Variants in DCDC1 observed in about 807,000 individuals in gnomAD.
The protein encoded by DCDC1 is doublecortin domain containing 1.
In DCDC1, 200 loss-of-function variants were observed where a neutral mutation model predicts 178.3. The ratio of observed to expected loss-of-function variants is 1.12; its 90% CI spans 1.00 to 1.26. DCDC1 has a LOEUF of 1.26. Ranked by LOEUF, DCDC1 falls within the 50% of genes most tolerant of loss-of-function variation. The pLI, the probability that DCDC1 is intolerant of heterozygous loss-of-function variation, is 0.00. For synonymous variants in DCDC1, 690 were observed against 604.8 expected (o/e 1.14, Z -2.07); for missense variants, 1,983 against 1,749.2 (o/e 1.13, Z -2.38).
chr11:31,330,161 C>T (rs536796027), intron 2 of DCDC1, among the ~76,000 whole-genome samples: 18 of 152,298 alleles, frequency 1.2e-4, no homozygotes, highest in African/African-American at 4.1e-4. Flanking sequence ...TGATGATGAG[C>T]ATTTTTTCAT....
At chr11:30,883,491 T>TC (rs1264947718) in intron 36 of DCDC1, 6 of 460,862 alleles carry the variant, frequency 1.3e-5, no homozygotes, top group African/African-American at 1.0e-4. Context: ...CAAATAAAGA[T>TC]CCATGTCTTC....
intron 9 of DCDC1, among the ~76,000 whole-genome samples, chr11:31,236,913 C>T (rs1245367059): frequency 6.6e-6 from 1 of 151,712 alleles, no homozygotes; most frequent in Non-Finnish European, 1.5e-5. Flanking sequence ...AAAGTATATA[C>T]AGAAAATGAA....
intron 20 of DCDC1, among the ~76,000 whole-genome samples, chr11:31,010,168 C>A (rs1364840462): frequency 6.6e-6 from 1 of 152,216 alleles, no homozygotes; most frequent in Admixed American, 6.5e-5. Context: ...TATCTTGTGA[C>A]CCAGTCAAGG....
At chr11:31,357,952 G>A (rs1188311348) in intron 1 of DCDC1, among the ~76,000 whole-genome samples, 1 of 152,118 alleles carries the variant, frequency 6.6e-6, no homozygotes, top group Non-Finnish European at 1.5e-5. Flanking sequence ...TACAACAAAC[G>A]GAAGAACATT....
intron 2 of DCDC1, among the ~76,000 whole-genome samples, chr11:31,329,528 C>T (rs561383184): frequency 5.3e-5 from 8 of 152,082 alleles, no homozygotes; most frequent in South Asian, 2.1e-4. Context: ...GGTATTTCTC[C>T]GAATGCTATC....
At chr11:30,871,878 G>A (rs612171) in intron 38 of DCDC1, among the ~76,000 whole-genome samples, 103,226 of 150,624 alleles carry the variant, frequency 0.69, 35,502 homozygotes, top group Middle Eastern at 0.8. Flanking sequence ...ATATACATAT[G>A]TATACATATA....
chr11:30,984,599 C>G (rs925123187), intron 20 of DCDC1, among the ~76,000 whole-genome samples: 1 of 152,196 alleles, frequency 6.6e-6, no homozygotes, highest in Non-Finnish European at 1.5e-5. Flanking sequence ...ATAACCTGGA[C>G]ATTTCATATC....
intron 11 of DCDC1, among the ~76,000 whole-genome samples, chr11:31,118,916 C>G (rs1960377994): frequency 6.6e-6 from 1 of 152,156 alleles, no homozygotes; most frequent in Admixed American, 6.5e-5. Context: ...TTCAGCACAT[C>G]TTGAAAAGGA....
chr11:30,989,408 T>G (rs1445899667), intron 20 of DCDC1, among the ~76,000 whole-genome samples: 1 of 152,192 alleles, frequency 6.6e-6, no homozygotes, highest in East Asian at 1.9e-4. Context: ...AAACACAGAC[T>G]GCTCTACTGA....
intron 1 of DCDC1, among the ~76,000 whole-genome samples, chr11:31,354,082 T>C (rs1951209435): frequency 6.6e-6 from 1 of 152,068 alleles, no homozygotes; most frequent in Non-Finnish European, 1.5e-5. Flanking sequence ...GGTCAAGAGA[T>C]AGAGACCATC....
At chr11:30,920,160 T>C (rs1232472915) in intron 25 of DCDC1, among the ~76,000 whole-genome samples, 2 of 152,144 alleles carry the variant, frequency 1.3e-5, no homozygotes, top group African/African-American at 2.4e-5. Flanking sequence ...TTGGAATTCA[T>C]GTGGCAGAAA....
At chr11:31,062,314 C>A (rs912177998) in intron 20 of DCDC1, among the ~76,000 whole-genome samples, 4 of 152,050 alleles carry the variant, frequency 2.6e-5, no homozygotes, top group African/African-American at 9.7e-5. Flanking sequence ...CCTCATAGAG[C>A]GGTATTACGA....
At chr11:31,293,278 C>T (rs1247106631) in intron 6 of DCDC1, among the ~76,000 whole-genome samples, 1 of 152,064 alleles carries the variant, frequency 6.6e-6, no homozygotes, top group Non-Finnish European at 1.5e-5. Flanking sequence ...AGGAAACTGA[C>T]TGCAGGGAAT....
At chr11:31,111,734 G>T (rs1022279749) in intron 11 of DCDC1, among the ~76,000 whole-genome samples, 1 of 152,182 alleles carries the variant, frequency 6.6e-6, no homozygotes, top group Non-Finnish European at 1.5e-5. Flanking sequence ...GAGAAATTTA[G>T]CAGTGAAGGT....
intron 15 of DCDC1, among the ~76,000 whole-genome samples, chr11:31,101,891 A>G (rs1371526380): frequency 6.6e-6 from 1 of 152,162 alleles, no homozygotes; most frequent in Admixed American, 6.5e-5. Flanking sequence ...AGCCTGGCCA[A>G]CATGGCAAAA....
Position 30,952,500 on chromosome 11 carries a change from A to C in DCDC1, c.2660T>G (p.Leu887Arg). The C allele has an allele frequency of 6.3e-7, 1 of 1,588,584 alleles. No individual in the cohort carries two copies. Among genetic ancestry groups the C allele is most frequent in the Non-Finnish European group, 8.5e-7 (1 of 1,172,348 alleles). Residue 887 changes from leucine (L) to arginine (R), a missense_variant, in exon 21 of 39, where the codon CTA becomes CGA. Leu to Arg is a moderately radical substitution (Grantham distance 102, BLOSUM62 -2). Transcript: ENST00000684477. ...CCACATGTAGGTAAGCTTGTTCCATAGAGGATTTTCAACTCTAGAATGTTT... is the reference window on the plus strand; with the variant it reads ...CCACATGTAGGTAAGCTTGTTCCATCGAGGATTTTCAACTCTAGAATGTTT... ...QWKHSRVENP[L>R]WNKLTYMWPV...
chr11:31,127,733 A>C (rs1162745739), intron 10 of DCDC1, 94 bp from the exon 11 acceptor site: 1 of 638,210 alleles, frequency 1.6e-6, no homozygotes, highest in Non-Finnish European at 2.8e-6. Context: ...TGGGGGGAAA[A>C]TGACTTCAAT....
chr11:31,089,612 C>CT (rs34932827), intron 17 of DCDC1, among the ~76,000 whole-genome samples: 69,179 of 141,434 alleles, frequency 0.49, 16,867 homozygotes, highest in African/African-American at 0.59. Flanking sequence ...ATGCTCCGTT[C>CT]TTTTTTTTTT....
intron 20 of DCDC1, among the ~76,000 whole-genome samples, chr11:30,990,067 T>C (rs1411707822): frequency 6.6e-6 from 1 of 151,950 alleles, no homozygotes; most frequent in Non-Finnish European, 1.5e-5. Context: ...AACCCTAAGA[T>C]GGGAAGAAGA....
Sources: allele counts gnomAD v4.1 joint callset (sites outside exome capture counted in the v4.1 genomes callset), GRCh38; gene constraint gnomAD v4.1.1; transcripts MANE v1.5; gene names NCBI Gene and HGNC (gene_info 2026-07-23, HGNC 2026-07-21).